PRKN: variants seen among roughly 807,000 people sequenced by gnomAD.
PRKN encodes the protein E3 ubiquitin-protein ligase parkin.
A neutral mutation model predicts 59.5 loss-of-function variants in PRKN; 56 were observed. That is an observed-to-expected ratio of 0.94 (90% CI 0.76 to 1.18). PRKN has a LOEUF of 1.18. Among genes scored for constraint, PRKN ranks in the 50% most tolerant of loss-of-function variants. The probability of loss-of-function intolerance (pLI) is 0.00; values close to 1 mark genes in which losing one functional copy is unlikely to be tolerated. For synonymous variants in PRKN, 250 were observed against 222.1 expected (o/e 1.13, Z -1.12); for missense variants, 657 against 596.4 (o/e 1.10, Z -1.06).
intron 2 of PRKN, among the ~76,000 whole-genome samples, chr6:162,278,035 A>C (rs1017349669): frequency 6.6e-6 from 1 of 152,226 alleles, no homozygotes; most frequent in Non-Finnish European, 1.5e-5. Context: ...GTTCTTCATC[A>C]GGTGAATGGA....
intron 1 of PRKN, among the ~76,000 whole-genome samples, chr6:162,593,947 G>A (rs893537837): frequency 3.9e-5 from 6 of 152,220 alleles, no homozygotes; most frequent in Non-Finnish European, 5.9e-5. Flanking sequence ...TCAGGAGTTC[G>A]AGCCCAGCCT....
intron 7 of PRKN, among the ~76,000 whole-genome samples, chr6:161,632,558 A>G (rs1254000011): frequency 6.6e-6 from 1 of 152,234 alleles, no homozygotes; most frequent in Non-Finnish European, 1.5e-5. Flanking sequence ...AAATAAATCC[A>G]GTTGTCTGAA....
chr6:162,678,781 C>T (rs530897786), intron 1 of PRKN, among the ~76,000 whole-genome samples: 3 of 152,136 alleles, frequency 2.0e-5, no homozygotes, highest in Admixed American at 6.5e-5. Context: ...GTTTTTTACT[C>T]GTTTGTTTTT....
rs1403122366 is a variant in PRKN, at chr6:161,460,369, G to C, written c.1084-73492C>G. Among the ~76,000 whole-genome samples the C allele has an allele frequency of 1.3e-5, 2 of 152,096 alleles. No individual in the cohort carries two copies. Among genetic ancestry groups the C allele is most frequent in the African/African-American group, 2.4e-5 (1 of 41,416 alleles). The stretch of plus-strand genomic sequence containing the variant: ...GCAAAGGAGGTGCCATACTCCCTCT[G>C]GATAGTCTCAGGCCCAAATATCCAT... On this transcript the variant is annotated intron_variant, in intron 9 of 11. Coordinates refer to ENST00000366898, the MANE Select transcript of PRKN (RefSeq NM_004562.3). This position sits in a 1 kb window ranked among gnomAD's most constrained non-coding sequence, Gnocchi z 5.0.
chr6:162,234,367 G>T (rs542499953), intron 3 of PRKN, among the ~76,000 whole-genome samples: 2 of 152,238 alleles, frequency 1.3e-5, no homozygotes, highest in Admixed American at 6.5e-5. Context: ...ATACTAAAAG[G>T]TTTGATTCAG....
intron 6 of PRKN, among the ~76,000 whole-genome samples, chr6:161,823,293 T>C (rs9458392): frequency 0.55 from 82,978 of 151,764 alleles, 23,123 homozygotes; most frequent in African/African-American, 0.64. Flanking sequence ...ATAGAATTTC[T>C]TCTGTCGGCA....
At chr6:162,227,780 G>A (rs1162641590) in intron 3 of PRKN, among the ~76,000 whole-genome samples, 1 of 152,066 alleles carries the variant, frequency 6.6e-6, no homozygotes, top group Non-Finnish European at 1.5e-5. Flanking sequence ...AGTCAAAGCT[G>A]GCAAATGCAT....
At chr6:161,668,761 A>C (rs1784809074) in intron 7 of PRKN, among the ~76,000 whole-genome samples, 1 of 152,198 alleles carries the variant, frequency 6.6e-6, no homozygotes, top group Non-Finnish European at 1.5e-5. Flanking sequence ...TAACTAATTA[A>C]CAATCCTATG....
At chr6:162,388,526 T>C (rs1018233072) in intron 2 of PRKN, among the ~76,000 whole-genome samples, 7 of 152,138 alleles carry the variant, frequency 4.6e-5, no homozygotes, top group African/African-American at 1.7e-4. Context: ...ACCCTAGGAA[T>C]TTCCTAACTC....
At chr6:161,877,058 T>C (rs1275901274) in intron 6 of PRKN, among the ~76,000 whole-genome samples, 1 of 152,190 alleles carries the variant, frequency 6.6e-6, no homozygotes, top group Non-Finnish European at 1.5e-5. Context: ...ACCATCACAA[T>C]GGACGCAAAT....
At chr6:161,802,621 G>A (rs978334193) in intron 6 of PRKN, among the ~76,000 whole-genome samples, 3 of 152,080 alleles carry the variant, frequency 2.0e-5, no homozygotes, top group Non-Finnish European at 4.4e-5. Flanking sequence ...TGTCTCCTTT[G>A]CAACGAGCCC....
chr6:161,441,208 C>G (rs1789203016), intron 9 of PRKN, among the ~76,000 whole-genome samples: 1 of 152,326 alleles, frequency 6.6e-6, no homozygotes, highest in South Asian at 2.1e-4. Flanking sequence ...AGCAGCTCAG[C>G]TCTGCGGAGA....
At chr6:161,830,499 G>A (rs1219112727) in intron 6 of PRKN, among the ~76,000 whole-genome samples, 3 of 152,152 alleles carry the variant, frequency 2.0e-5, no homozygotes, top group African/African-American at 4.8e-5. Context: ...TGATCTGCCC[G>A]CCTCGGCCTC....
intron 4 of PRKN, among the ~76,000 whole-genome samples, chr6:162,071,460 A>G (rs73032219): frequency 0.039 from 5,762 of 148,960 alleles, 145 homozygotes; most frequent in Non-Finnish European, 0.055. Context: ...ACAGACACCT[A>G]AACAATACAA....
At chr6:161,420,545 G>C (rs1397071658) in intron 9 of PRKN, among the ~76,000 whole-genome samples, 1 of 151,514 alleles carries the variant, frequency 6.6e-6, no homozygotes, top group South Asian at 2.1e-4. Flanking sequence ...ACAGGATTCT[G>C]CTCTGTCACC....
At chr6:162,597,190 T>C (rs1403501503) in intron 1 of PRKN, among the ~76,000 whole-genome samples, 1 of 152,228 alleles carries the variant, frequency 6.6e-6, no homozygotes, top group Non-Finnish European at 1.5e-5. Context: ...TGTTACCTTA[T>C]ATTTATATGA....
At chr6:161,450,760 T>C (rs543887930) in intron 9 of PRKN, among the ~76,000 whole-genome samples, 182 of 152,308 alleles carry the variant, frequency 1.2e-3, no homozygotes, top group African/African-American at 4.2e-3. Flanking sequence ...TTTCACTGTG[T>C]TAGCCAGGAT....
intron 1 of PRKN, among the ~76,000 whole-genome samples, chr6:162,509,011 A>C (rs1308580568): frequency 2.0e-5 from 3 of 152,210 alleles, no homozygotes; most frequent in African/African-American, 7.2e-5. Context: ...AAAATAACTA[A>C]GAATCTAAGA....
intron 2 of PRKN, among the ~76,000 whole-genome samples, chr6:162,273,399 C>T (rs1436628887): frequency 2.0e-5 from 3 of 152,060 alleles, no homozygotes; most frequent in Non-Finnish European, 4.4e-5. Flanking sequence ...TTACCAGAAA[C>T]ATATTGAGCT....
Sources: allele counts gnomAD v4.1 joint callset (sites outside exome capture counted in the v4.1 genomes callset), GRCh38; gene constraint gnomAD v4.1.1; non-coding constraint Gnocchi (gnomAD v3.1); transcripts MANE v1.5; gene names NCBI Gene and HGNC (gene_info 2026-07-23, HGNC 2026-07-21).